DNAH11: variants seen among roughly 807,000 people sequenced by gnomAD.
DNAH11 encodes axonemal beta dynein heavy chain 11.
A neutral mutation model predicts 526.0 loss-of-function variants in DNAH11; 442 were observed. The ratio of observed to expected loss-of-function variants is 0.84; its 90% CI spans 0.78 to 0.91. The LOEUF is 0.91. DNAH11 is among the 40% of genes least tolerant of loss of function. The probability of loss-of-function intolerance (pLI) is 0.00; values close to 1 mark genes in which losing one functional copy is unlikely to be tolerated. For missense variants in DNAH11, 6,989 were observed against 5,448.7 expected (o/e 1.28, Z -8.90); for synonymous variants, 2,461 against 1,935.9 (o/e 1.27, Z -7.12).
chr7:21,687,634 G>A (rs1006586788), intron 34 of DNAH11, 107 bp downstream of exon 34: 1 of 1,321,516 alleles, frequency 7.6e-7, no homozygotes, highest in South Asian at 1.6e-5. Flanking sequence ...TCATGAAATA[G>A]ATAAAGGAAG....
intron 68 of DNAH11, among the ~76,000 whole-genome samples, chr7:21,857,432 A>G (rs1782894063): frequency 6.6e-6 from 1 of 152,176 alleles, no homozygotes; most frequent in African/African-American, 2.4e-5. Context: ...TCAAAACACC[A>G]GAAGACATTT....
intron 54 of DNAH11, among the ~76,000 whole-genome samples, chr7:21,758,101 A>C (rs545411223): frequency 1.3e-5 from 2 of 152,330 alleles, no homozygotes; most frequent in African/African-American, 4.8e-5. Flanking sequence ...GAGAAACAAG[A>C]AACACTCTAA....
intron 14 of DNAH11, among the ~76,000 whole-genome samples, chr7:21,597,951 T>G (rs536570309): frequency 1.8e-4 from 27 of 152,284 alleles, no homozygotes; most frequent in African/African-American, 6.5e-4. Context: ...TACACAGATG[T>G]GAATGGTTCC....
rs575030094 is a variant in DNAH11, at chr7:21,846,419, G to GT, written c.10896+3678dup. On this transcript the variant is annotated intron_variant, in intron 66 of 81. Transcript: ENST00000409508. The stretch of plus-strand genomic sequence containing the variant: ...CCCCTCTATTTCTAATTTGCCGAGA[G>GT]TTTTTTTATCATTAAATTACTGTTA... 1.1e-3 allele frequency among the ~76,000 whole-genome samples: 160 copies of GT among 152,012 alleles called. 2 individuals carry two copies. The highest frequency in any genetic ancestry group is 3.5e-3 in the African/African-American group (145 of 41,486).
At chr7:21,806,931 T>TA (rs1789287424) in intron 62 of DNAH11, among the ~76,000 whole-genome samples, 1 of 152,182 alleles carries the variant, frequency 6.6e-6, no homozygotes, top group Non-Finnish European at 1.5e-5. Context: ...TCCACCTTTT[T>TA]ATATAGGTCA....
chr7:21,792,242 C>G (rs1788507053), intron 61 of DNAH11, among the ~76,000 whole-genome samples: 1 of 152,106 alleles, frequency 6.6e-6, no homozygotes, highest in South Asian at 2.1e-4. Context: ...ATGAACTGTT[C>G]TTGTATCCCT....
At chr7:21,765,057 A>G (rs1160941391) in intron 54 of DNAH11, among the ~76,000 whole-genome samples, 1 of 152,238 alleles carries the variant, frequency 6.6e-6, no homozygotes, top group African/African-American at 2.4e-5. Flanking sequence ...AAGAAACAGA[A>G]GATGAAAACA....
intron 2 of DNAH11, among the ~76,000 whole-genome samples, chr7:21,550,544 G>A (rs968461727): frequency 1.3e-5 from 2 of 150,422 alleles, no homozygotes; most frequent in African/African-American, 4.9e-5. Context: ...GCTACTGGGA[G>A]ACATTTGGTT....
chr7:21,784,681 G>A (rs896047323), intron 58 of DNAH11, 141 bp downstream of exon 58: 2 of 595,022 alleles, frequency 3.4e-6, no homozygotes, highest in Admixed American at 3.4e-5. Flanking sequence ...AAATATTAAA[G>A]TTGAAACAAA....
intron 73 of DNAH11, among the ~76,000 whole-genome samples, chr7:21,871,050 T>G (rs1314170045): frequency 2.6e-5 from 4 of 152,244 alleles, no homozygotes; most frequent in African/African-American, 9.6e-5. Flanking sequence ...AACGTGGGTA[T>G]ATGATATGTA....
At chr7:21,689,815 C>A (rs1374972569) in intron 34 of DNAH11, among the ~76,000 whole-genome samples, 1 of 152,230 alleles carries the variant, frequency 6.6e-6, no homozygotes, top group African/African-American at 2.4e-5. Flanking sequence ...TTCAGCCCTC[C>A]CCTCTCAGCA....
At chr7:21,850,539 C>G (rs59867507) in intron 66 of DNAH11, among the ~76,000 whole-genome samples, 1 of 125,440 alleles carries the variant, frequency 8.0e-6, no homozygotes, top group African/African-American at 5.0e-5. Context: ...ATTTTTAACT[C>G]CCAGTTTGAT....
At chr7:21,582,156 T>C (rs1036538294) in intron 9 of DNAH11, 135 bp downstream of exon 9, 3 of 596,774 alleles carry the variant, frequency 5.0e-6, no homozygotes, top group Admixed American at 6.1e-5. Flanking sequence ...TTCAGCTCAC[T>C]GAATAATAAA....
At chr7:21,673,119 A>G (rs577678005) in intron 30 of DNAH11, among the ~76,000 whole-genome samples, 4 of 152,144 alleles carry the variant, frequency 2.6e-5, no homozygotes, top group Non-Finnish European at 5.9e-5. Flanking sequence ...AAATAAGAGA[A>G]TTCATAAGTG....
rs1472899742 is a variant in DNAH11 at position 21,559,779 on chromosome 7, G to T, written c.869G>T (p.Cys290Phe). The T allele has an allele frequency of 6.3e-7, 1 of 1,598,344 alleles. No homozygotes were observed. The highest frequency in any genetic ancestry group is 8.5e-7 in the Non-Finnish European group (1 of 1,171,426). ...FWMMRRENLS[C>F]IYDQLQAPVV... ...ATGATGAGGAGAGAAAATCTGTCAT[G>T]CATTTATGATCAAGTAAGTAGATAG... The change falls in exon 4 of 82, where the codon TGC (cysteine) becomes TTC (phenylalanine). Residue 290 changes from cysteine (C) to phenylalanine (F), a missense_variant. Coordinates refer to ENST00000409508, the MANE Select transcript of DNAH11 (RefSeq NM_001277115.2).
At chr7:21,872,643 A>G (rs1222399751) in intron 73 of DNAH11, among the ~76,000 whole-genome samples, 2 of 152,214 alleles carry the variant, frequency 1.3e-5, no homozygotes, top group East Asian at 1.9e-4. Context: ...TGGAAAAGAA[A>G]AGAATGACAA....
chr7:21,694,975 T>C (rs574291661), intron 35 of DNAH11, among the ~76,000 whole-genome samples: 1 of 152,250 alleles, frequency 6.6e-6, no homozygotes, highest in African/African-American at 2.4e-5. Flanking sequence ...TTTTCATAAG[T>C]TTGAACTCCC....
intron 53 of DNAH11, 98 bp downstream of exon 53, chr7:21,749,899 T>G: frequency 1.3e-6 from 2 of 1,554,760 alleles, no homozygotes; most frequent in Non-Finnish European, 1.7e-6. Flanking sequence ...CTTTGAGATG[T>G]TTGCTGGGCA....
intron 25 of DNAH11, among the ~76,000 whole-genome samples, chr7:21,624,939 A>G (rs1462350585): frequency 1.3e-5 from 2 of 152,058 alleles, no homozygotes; most frequent in Non-Finnish European, 2.9e-5. Flanking sequence ...TCAGTTTGCT[A>G]GACTTTGCTG....
Sources: gnomAD v4.1 joint callset for allele counts (sites outside exome capture counted in the v4.1 genomes callset) on GRCh38, gnomAD v4.1.1 for gene constraint, MANE v1.5 for transcripts, NCBI Gene and HGNC (gene_info 2026-07-23, HGNC 2026-07-21) for gene names.